Variants in NDST4 observed in about 807,000 individuals in gnomAD.
The protein encoded by NDST4 is N-heparan sulfate sulfotransferase 4.
In NDST4, 63 loss-of-function variants were observed where a neutral mutation model predicts 100.8. The ratio of observed to expected loss-of-function variants is 0.62; its 90% CI spans 0.51 to 0.77. The LOEUF is 0.77. Ranked by LOEUF, NDST4 falls within the 30% of genes least tolerant of loss-of-function variation. NDST4 has a pLI of 0.00. For missense variants in NDST4, 943 were observed against 1,018.4 expected (o/e 0.93, Z 1.01); for synonymous variants, 377 against 361.8 (o/e 1.04, Z -0.48).
At chr4:114,924,582 G>A (rs1190909573) in intron 6 of NDST4, among the ~76,000 whole-genome samples, 1 of 152,016 alleles carries the variant, frequency 6.6e-6, no homozygotes, top group African/African-American at 2.4e-5. Flanking sequence ...AAGCCCCAGA[G>A]CTCCCAATAA....
chr4:114,962,409 T>C (rs1726284059), intron 4 of NDST4, among the ~76,000 whole-genome samples: 1 of 152,000 alleles, frequency 6.6e-6, no homozygotes, highest in Non-Finnish European at 1.5e-5. Flanking sequence ...TAGACAATCC[T>C]AAGGAATCCA....
At chr4:115,016,496 A>T (rs1727679642) in intron 2 of NDST4, among the ~76,000 whole-genome samples, 1 of 152,060 alleles carries the variant, frequency 6.6e-6, no homozygotes, top group Non-Finnish European at 1.5e-5. Context: ...AAATGGAGAA[A>T]TACTTCCAAC....
At chr4:114,834,915 C>T (rs1376104911) in intron 11 of NDST4, among the ~76,000 whole-genome samples, 2 of 152,182 alleles carry the variant, frequency 1.3e-5, no homozygotes, top group East Asian at 3.9e-4. Flanking sequence ...TTATAGTATT[C>T]TCTGATGACA....
intron 2 of NDST4, among the ~76,000 whole-genome samples, chr4:115,048,798 C>T (rs888939004): frequency 2.0e-5 from 3 of 151,880 alleles, no homozygotes; most frequent in Non-Finnish European, 4.4e-5. Context: ...CCACTGCACC[C>T]GGCTAATTTT....
intron 2 of NDST4, among the ~76,000 whole-genome samples, chr4:115,025,726 G>A (rs1158132559): frequency 6.6e-6 from 1 of 152,102 alleles, no homozygotes; most frequent in Non-Finnish European, 1.5e-5. Context: ...TTAATATGCA[G>A]AGACATAATT....
chr4:115,089,726 CAGTT>C (rs944845334), intron 1 of NDST4, among the ~76,000 whole-genome samples: 1 of 151,858 alleles, frequency 6.6e-6, no homozygotes, highest in Non-Finnish European at 1.5e-5. Flanking sequence ...TTGAGTAAGT[CAGTT>C]AAATTGACGT....
chr4:114,909,426 CGAGGCGGGTGGATCAT>C (rs1460150698), intron 6 of NDST4, among the ~76,000 whole-genome samples: 1 of 149,922 alleles, frequency 6.7e-6, no homozygotes, highest in Non-Finnish European at 1.5e-5. Flanking sequence ...TTTGGGAGGC[CGAGGCGGGTGGATCAT>C]GAGGTCAGGA....
intron 4 of NDST4, among the ~76,000 whole-genome samples, chr4:114,938,259 G>A (rs898291175): frequency 2.6e-5 from 4 of 152,048 alleles, no homozygotes; most frequent in African/African-American, 7.2e-5. Flanking sequence ...GAAAGGTAAA[G>A]GTTAAGATTT....
chr4:114,833,919 G>C (rs559979239), intron 11 of NDST4, among the ~76,000 whole-genome samples: 7 of 152,298 alleles, frequency 4.6e-5, no homozygotes, highest in African/African-American at 7.2e-5. Flanking sequence ...ATCATTTCTT[G>C]TGAATTATCA....
intron 6 of NDST4, among the ~76,000 whole-genome samples, chr4:114,890,965 C>G (rs1724581463): frequency 6.6e-6 from 1 of 152,060 alleles, no homozygotes; most frequent in South Asian, 2.1e-4. Context: ...TCCCCAGGAA[C>G]TGACTCATTA....
chr4:115,024,808 C>T (rs1024741896), intron 2 of NDST4, among the ~76,000 whole-genome samples: 2 of 152,074 alleles, frequency 1.3e-5, no homozygotes, highest in African/African-American at 2.4e-5. Context: ...CTTCAAAATG[C>T]GTGTTTAAAT....
At chr4:114,941,878 A>G (rs1198275717) in intron 4 of NDST4, among the ~76,000 whole-genome samples, 1 of 152,212 alleles carries the variant, frequency 6.6e-6, no homozygotes, top group African/African-American at 2.4e-5. Context: ...TTATGTTTCT[A>G]GCTTGGAAAC....
chr4:115,071,728 G>A (rs1400207440), intron 2 of NDST4, among the ~76,000 whole-genome samples: 2 of 151,460 alleles, frequency 1.3e-5, no homozygotes, highest in African/African-American at 4.9e-5. Flanking sequence ...GTGTGTTAAT[G>A]TTGTACTACC....
chr4:115,069,972 T>G (rs986479825), intron 2 of NDST4, among the ~76,000 whole-genome samples: 4 of 152,076 alleles, frequency 2.6e-5, no homozygotes, highest in Admixed American at 2.0e-4. Context: ...TACTATTGGT[T>G]GGAATGTAAA....
intron 7 of NDST4, among the ~76,000 whole-genome samples, chr4:114,866,719 A>G (rs556980852): frequency 1.3e-5 from 2 of 152,290 alleles, no homozygotes; most frequent in Admixed American, 6.5e-5. Flanking sequence ...CAGTAATATA[A>G]TTATAAATAA....
intron 10 of NDST4, 142 bp from the exon 11 acceptor site, chr4:114,839,690 C>A: frequency 3.4e-6 from 2 of 595,144 alleles, no homozygotes; most frequent in Non-Finnish European, 5.6e-6. Context: ...AAAATAATAA[C>A]AAATCAAATA....
intron 6 of NDST4, among the ~76,000 whole-genome samples, chr4:114,894,027 T>G (rs1228127876): frequency 6.6e-6 from 1 of 152,262 alleles, no homozygotes; most frequent in South Asian, 2.1e-4. Flanking sequence ...TTTGTCAGGT[T>G]TGTTGAAGAT....
chr4:114,866,253 C>G (rs1003776918), intron 7 of NDST4, among the ~76,000 whole-genome samples: 1 of 152,198 alleles, frequency 6.6e-6, no homozygotes, highest in African/African-American at 2.4e-5. Flanking sequence ...GGGCTTCCCT[C>G]TCTCATAGGT....
intron 1 of NDST4, among the ~76,000 whole-genome samples, chr4:115,079,965 T>A (rs1729268004): frequency 6.6e-6 from 1 of 152,162 alleles, no homozygotes; most frequent in Non-Finnish European, 1.5e-5. Flanking sequence ...TCAAATATTT[T>A]AAATATTTTA....
Sources: gnomAD v4.1 joint callset for allele counts (sites outside exome capture counted in the v4.1 genomes callset) on GRCh38, gnomAD v4.1.1 for gene constraint, MANE v1.5 for transcripts, NCBI Gene and HGNC (gene_info 2026-07-23, HGNC 2026-07-21) for gene names.